Variants in PLEKHA8 observed in about 807,000 individuals in gnomAD.
The protein encoded by PLEKHA8 is pleckstrin homology domain-containing family A member 8.
A neutral mutation model predicts 68.2 loss-of-function variants in PLEKHA8; 36 were observed. The observed-to-expected ratio is 0.53, with a 90% CI of 0.40 to 0.70. The LOEUF is 0.70. Ranked by LOEUF, PLEKHA8 falls within the 30% of genes least tolerant of loss-of-function variation. PLEKHA8 has a pLI of 0.00. For synonymous variants in PLEKHA8, 211 were observed against 216.1 expected, an observed-to-expected ratio of 0.98 and a Z score of 0.20; for missense variants, 505 against 615.4, an observed-to-expected ratio of 0.82 and a Z score of 1.90.
At chr7:30,112,917 T>A (rs1187838030) in intron 13 of PLEKHA8, among the ~76,000 whole-genome samples, 4 of 151,700 alleles carry the variant, frequency 2.6e-5, no homozygotes, top group African/African-American at 4.8e-5. Flanking sequence ...AAAAAAAAAA[T>A]TAACATATAT....
At chr7:30,114,904 C>T (rs1206943653) in intron 13 of PLEKHA8, among the ~76,000 whole-genome samples, 1 of 152,156 alleles carries the variant, frequency 6.6e-6, no homozygotes, top group Non-Finnish European at 1.5e-5. Flanking sequence ...CCTGAGAATT[C>T]ATTTCTCAGA....
At chr7:30,111,298 T>G (rs892576474) in intron 13 of PLEKHA8, among the ~76,000 whole-genome samples, 4 of 152,210 alleles carry the variant, frequency 2.6e-5, no homozygotes, top group Non-Finnish European at 4.4e-5. Context: ...TGAAAATGTT[T>G]GTCAAAAATC....
intron 13 of PLEKHA8, chr7:30,075,204 C>G (rs867333014): frequency 1.3e-5 from 2 of 152,166 alleles, no homozygotes; most frequent in South Asian, 2.1e-4. Context: ...TACACTACAA[C>G]AAATCAGATT....
At position 30,079,016 on chromosome 7, in the gene PLEKHA8, A is replaced by G. The variant is rs906963964; in HGVS notation, c.*229A>G. 1.5e-6 allele frequency: 2 copies of G among 1,303,902 alleles called. No individual in the cohort carries two copies. The highest frequency in any genetic ancestry group is 3.0e-5 in the African/African-American group (2 of 67,126). 80.8% of individuals were successfully genotyped at this position (1,303,902 alleles called of 1,614,324 possible). A position where few individuals can be genotyped will look rare whatever the true frequency, so the allele number is the denominator to read the frequency against. On this transcript the variant is annotated 3_prime_UTR_variant, in exon 14 of 14. Coordinates refer to ENST00000449726, the MANE Select transcript of PLEKHA8 (RefSeq NM_001197026.2). ...CAGCAGGCCTACTGGAAACCAAATG[A>G]TAAGCTGCTGTAGACTTGAACAGCA...
chr7:30,104,713 C>CTTTTTTTT (rs34669397), intron 13 of PLEKHA8, among the ~76,000 whole-genome samples: 4 of 102,874 alleles, frequency 3.9e-5, no homozygotes, highest in Non-Finnish European at 6.0e-5. Flanking sequence ...GTCACAACAG[C>CTTTTTTTT]TTTTTTTTTT....
intron 13 of PLEKHA8, among the ~76,000 whole-genome samples, chr7:30,103,465 C>T (rs890811362): frequency 3.9e-5 from 6 of 152,076 alleles, no homozygotes; most frequent in Non-Finnish European, 7.4e-5. Context: ...ATGCAAAGGA[C>T]CTAGAATAAC....
At chr7:30,119,276 G>A (rs1796656900) in intron 13 of PLEKHA8, among the ~76,000 whole-genome samples, 1 of 152,176 alleles carries the variant, frequency 6.6e-6, no homozygotes, top group Non-Finnish European at 1.5e-5. Flanking sequence ...TTCCATGTAG[G>A]AATCTGCATC....
intron 13 of PLEKHA8, among the ~76,000 whole-genome samples, chr7:30,129,043 T>G (rs181368933): frequency 6.6e-6 from 1 of 152,234 alleles, no homozygotes; most frequent in Non-Finnish European, 1.5e-5. Context: ...GGGATGAAGT[T>G]TCAACACGAG....
intron 12 of PLEKHA8, among the ~76,000 whole-genome samples, chr7:30,066,758 T>A (rs1793875673): frequency 6.6e-6 from 1 of 152,180 alleles, no homozygotes; most frequent in African/African-American, 2.4e-5. Flanking sequence ...TTGCCACATA[T>A]CTCATCTCAG....
At chr7:30,115,724 G>GTATA (rs1384573874) in intron 13 of PLEKHA8, 118 of 113,732 alleles carry the variant, frequency 1.0e-3, no homozygotes, top group African/African-American at 1.6e-3. Flanking sequence ...GCGCATGCAT[G>GTATA]CATACACGTA....
At chr7:30,032,095 G>A (rs571138385) in intron 1 of PLEKHA8, among the ~76,000 whole-genome samples, 37 of 152,336 alleles carry the variant, frequency 2.4e-4, no homozygotes, top group African/African-American at 7.0e-4. Flanking sequence ...GGGATGAAGA[G>A]AGTAAATTAA....
At chr7:30,110,407 A>G (rs553245234) in intron 13 of PLEKHA8, among the ~76,000 whole-genome samples, 82 of 152,296 alleles carry the variant, frequency 5.4e-4, no homozygotes, top group Middle Eastern at 3.4e-3. Flanking sequence ...TGTTGTGTTG[A>G]TCCATTCACC....
rs1429787891 is a variant in PLEKHA8 at position 30,083,849 on chromosome 7, A to G, written c.*5062A>G. The G allele has an allele frequency of 1.0e-5, 10 of 985,202 alleles. No homozygotes were observed. Among genetic ancestry groups the G allele is most frequent in the Admixed American group, 1.2e-4 (2 of 16,264 alleles). 61.0% of individuals were successfully genotyped at this position (985,202 alleles called of 1,614,324 possible). ...CCTTACAAACAGAAACCACCCTGGG[A>G]TGGTTGATACCCCTTACAAAGTCGA... On this transcript the variant is annotated 3_prime_UTR_variant, in exon 14 of 14. Coordinates refer to ENST00000449726, the MANE Select transcript of PLEKHA8 (RefSeq NM_001197026.2).
At chr7:30,062,523 AG>A in intron 11 of PLEKHA8, 148 bp from the exon 12 acceptor site, 1 of 650,926 alleles carries the variant, frequency 1.5e-6, no homozygotes, top group Non-Finnish European at 2.8e-6. Flanking sequence ...TGAAGGGAAG[AG>A]GTTCAGGAAG....
chr7:30,081,926 C>T lies in PLEKHA8; in HGVS notation c.*3139C>T, dbSNP rs563765967. ...TGGCAAGTCTCTTGACTTTTGAAAG[C>T]AAGTCAGATTCCTTATAGCTAATGC... is the stretch of plus-strand genomic sequence containing the variant. On this transcript the variant is annotated 3_prime_UTR_variant, in exon 14 of 14. Transcript: ENST00000449726. 23 of 968,096 alleles carry T rather than the reference C, an allele frequency of 2.4e-5. No individual in the cohort carries two copies. In the African/African-American group the frequency reaches 3.5e-4, roughly 15 times the overall value. The allele number at this position is 968,096 out of a possible 1,614,324, so 60.0% of individuals were successfully genotyped here.
intron 1 of PLEKHA8, among the ~76,000 whole-genome samples, chr7:30,044,478 A>G (rs1791793964): frequency 6.6e-6 from 1 of 152,250 alleles, no homozygotes; most frequent in Admixed American, 6.5e-5. Context: ...AATGTAGTTA[A>G]GCCTTGAATG....
At chr7:30,032,876 C>T (rs1257013373) in intron 1 of PLEKHA8, among the ~76,000 whole-genome samples, 1 of 152,236 alleles carries the variant, frequency 6.6e-6, no homozygotes, top group African/African-American at 2.4e-5. Context: ...CCGAAGGCTG[C>T]TTGTGCCTCT....
intron 12 of PLEKHA8, among the ~76,000 whole-genome samples, chr7:30,067,016 A>C (rs1201123110): frequency 6.6e-6 from 1 of 152,248 alleles, no homozygotes; most frequent in African/African-American, 2.4e-5. Flanking sequence ...CATTTGCAGC[A>C]TATGCCTCCA....
intron 1 of PLEKHA8, among the ~76,000 whole-genome samples, chr7:30,042,829 G>A (rs1352036017): frequency 6.6e-6 from 1 of 152,092 alleles, no homozygotes; most frequent in Non-Finnish European, 1.5e-5. Flanking sequence ...AAACACTTTT[G>A]CAAAGGGCTG....
Sources: allele counts gnomAD v4.1 joint callset (sites outside exome capture counted in the v4.1 genomes callset), GRCh38; gene constraint gnomAD v4.1.1; transcripts MANE v1.5; gene names NCBI Gene and HGNC (gene_info 2026-07-23, HGNC 2026-07-21).